Variants in PPM1E observed in about 807,000 individuals in gnomAD.
PPM1E encodes the protein protein phosphatase 1E.
In PPM1E, 20 loss-of-function variants were observed where a neutral mutation model predicts 65.9. The observed-to-expected ratio is 0.30, with a 90% CI of 0.21 to 0.44. The LOEUF (loss-of-function observed/expected upper bound fraction) is 0.44. PPM1E is among the 20% of genes least tolerant of loss of function. The pLI is 1.00. For missense variants in PPM1E, 713 were observed against 953.1 expected (o/e 0.75, Z 3.32); for synonymous variants, 352 against 374.9 (o/e 0.94, Z 0.70).
At chr17:58,811,711 G>A (rs1011304308) in intron 1 of PPM1E, among the ~76,000 whole-genome samples, 1 of 151,570 alleles carries the variant, frequency 6.6e-6, no homozygotes. Context: ...TCACTCAGTC[G>A]CCAGGCCGGA....
chr17:58,933,071 C>A (rs1156246184), intron 1 of PPM1E, among the ~76,000 whole-genome samples: 1 of 152,146 alleles, frequency 6.6e-6, no homozygotes, highest in South Asian at 2.1e-4. Context: ...TACCCTATAG[C>A]CTACGTGTGT....
At chr17:58,945,118 A>T (rs1314935460) in intron 1 of PPM1E, among the ~76,000 whole-genome samples, 2 of 149,994 alleles carry the variant, frequency 1.3e-5, no homozygotes, top group Non-Finnish European at 3.0e-5. Flanking sequence ...GAAGAAAAAA[A>T]CCTGTTTTTC....
intron 1 of PPM1E, among the ~76,000 whole-genome samples, chr17:58,931,157 C>A (rs1010543939): frequency 1.3e-5 from 2 of 150,946 alleles, no homozygotes; most frequent in African/African-American, 4.9e-5. Context: ...GAGGCCAAGA[C>A]GGGCGGATCA....
intron 1 of PPM1E, among the ~76,000 whole-genome samples, chr17:58,898,462 C>A (rs1265460980): frequency 6.6e-6 from 1 of 152,052 alleles, no homozygotes; most frequent in Non-Finnish European, 1.5e-5. Flanking sequence ...CAATGAGATA[C>A]CATCTCACAC....
intron 3 of PPM1E, among the ~76,000 whole-genome samples, chr17:58,967,103 ACTTAACTCAGAAAGGAGAAC>A (rs1032988871): frequency 6.6e-6 from 1 of 152,196 alleles, no homozygotes; most frequent in African/African-American, 2.4e-5. Context: ...AGCCCAAAGG[ACTTAACTCAGAAAGGAGAAC>A]CTTGCTATAG....
Position 58,984,932 on chromosome 17 carries a change from A to G in PPM1E, c.*3901A>G, listed in dbSNP as rs1260711960. 1 of 152,666 alleles carries G rather than the reference A, an allele frequency of 6.6e-6. No individual in the cohort carries two copies. The highest frequency in any genetic ancestry group is 1.5e-5 in the Non-Finnish European group (1 of 68,040). 9.5% of individuals were successfully genotyped at this position (152,666 alleles called of 1,614,324 possible). A position where few individuals can be genotyped will look rare whatever the true frequency, so the allele number is the denominator to read the frequency against. Reference sequence around the variant, plus strand: ...CTCTTACTCTAGGTGCTCTTTGGTGAGAGACAGGCTTTGTTCTCTTGTTCA... The same window carrying G: ...CTCTTACTCTAGGTGCTCTTTGGTGGGAGACAGGCTTTGTTCTCTTGTTCA... On this transcript the variant is annotated 3_prime_UTR_variant, in exon 7 of 7. Coordinates refer to ENST00000308249, the MANE Select transcript of PPM1E (RefSeq NM_014906.5).
chr17:58,820,615 A>G (rs2050470183), intron 1 of PPM1E, among the ~76,000 whole-genome samples: 1 of 152,206 alleles, frequency 6.6e-6, no homozygotes. Context: ...ATGACTTTAA[A>G]ACACTGACAG....
rs1281234989 is a variant in PPM1E, at chr17:58,842,455, G to A, written c.464+85994G>A. On this transcript the variant is annotated intron_variant, in intron 1 of 6. Coordinates refer to ENST00000308249, the MANE Select transcript of PPM1E (RefSeq NM_014906.5). ...TTAATAATAGGGGAAAATGGAAAAT[G>A]TGTGTGTATGTTGGGGGGTATATGA... 2.6e-5 allele frequency among the ~76,000 whole-genome samples: 4 copies of A among 152,224 alleles called. No homozygotes were observed. In the East Asian group the frequency reaches 7.7e-4, roughly 29 times the overall value.
intron 6 of PPM1E, among the ~76,000 whole-genome samples, chr17:58,979,116 A>C (rs1053173369): frequency 9.9e-5 from 15 of 152,232 alleles, no homozygotes; most frequent in African/African-American, 3.6e-4. Flanking sequence ...AAGAAAAGGA[A>C]GAGAGAAAGG....
At chr17:58,841,925 T>G (rs2050723674) in intron 1 of PPM1E, among the ~76,000 whole-genome samples, 1 of 152,172 alleles carries the variant, frequency 6.6e-6, no homozygotes, top group Non-Finnish European at 1.5e-5. Context: ...CCCAGGCTGG[T>G]CTTGAACTCC....
intron 1 of PPM1E, among the ~76,000 whole-genome samples, chr17:58,818,841 C>A (rs1158464116): frequency 6.6e-6 from 1 of 152,174 alleles, no homozygotes; most frequent in Non-Finnish European, 1.5e-5. Flanking sequence ...GTACTCAACA[C>A]GTATTTGCTG....
intron 1 of PPM1E, among the ~76,000 whole-genome samples, chr17:58,948,190 A>G (rs1482607854): frequency 1.3e-5 from 2 of 152,288 alleles, no homozygotes; most frequent in East Asian, 3.9e-4. Flanking sequence ...TTAGGAAGGG[A>G]AACAGACTCT....
chr17:58,902,790 A>T (rs2051513073), intron 1 of PPM1E, among the ~76,000 whole-genome samples: 1 of 152,208 alleles, frequency 6.6e-6, no homozygotes, highest in African/African-American at 2.4e-5. Flanking sequence ...AAACACAAAA[A>T]TATAAATAAT....
chr17:58,916,010 G>C (rs1034329131), intron 1 of PPM1E, among the ~76,000 whole-genome samples: 1 of 152,038 alleles, frequency 6.6e-6, no homozygotes. Context: ...TTGTGTTGTG[G>C]TTTTTCTTAT....
intron 1 of PPM1E, among the ~76,000 whole-genome samples, chr17:58,840,485 A>C (rs1222270611): frequency 6.6e-6 from 1 of 152,248 alleles, no homozygotes; most frequent in Non-Finnish European, 1.5e-5. Flanking sequence ...TAACAAGTAT[A>C]CCTAATGCTC....
chr17:58,895,308 A>G (rs2051398864), intron 1 of PPM1E, among the ~76,000 whole-genome samples: 1 of 152,208 alleles, frequency 6.6e-6, no homozygotes, highest in South Asian at 2.1e-4. Context: ...TAATAACCCT[A>G]CAATGGGCTA....
At chr17:58,875,867 T>TA (rs1448922997) in intron 1 of PPM1E, among the ~76,000 whole-genome samples, 6 of 152,128 alleles carry the variant, frequency 3.9e-5, no homozygotes, top group Non-Finnish European at 8.8e-5. Context: ...TTAATCATAG[T>TA]AAAAAAATCC....
intron 1 of PPM1E, among the ~76,000 whole-genome samples, chr17:58,954,879 CAAAAAAAAAAA>C (rs10715470): frequency 9.9e-6 from 1 of 101,048 alleles, no homozygotes; most frequent in Non-Finnish European, 2.0e-5. Flanking sequence ...GAGTCTCTCT[CAAAAAAAAAAA>C]AAAAAAAAAG....
intron 1 of PPM1E, among the ~76,000 whole-genome samples, chr17:58,904,526 A>G (rs2051533437): frequency 6.6e-6 from 1 of 152,202 alleles, no homozygotes. Context: ...CTGCTTATCT[A>G]GAAGATATCT....
Sources: allele counts gnomAD v4.1 joint callset (sites outside exome capture counted in the v4.1 genomes callset), GRCh38; gene constraint gnomAD v4.1.1; transcripts MANE v1.5; gene names NCBI Gene and HGNC (gene_info 2026-07-23, HGNC 2026-07-21).